The following RBFOX1 variants were observed in gnomAD, a reference collection of about 807,000 sequenced individuals.
RBFOX1 encodes RNA binding protein fox-1 homolog 1.
A neutral mutation model predicts 57.7 loss-of-function variants in RBFOX1; 8 were observed. The ratio of observed to expected loss-of-function variants is 0.14; its 90% CI spans 0.08 to 0.25. RBFOX1 has a LOEUF of 0.25. Ranked by LOEUF, RBFOX1 falls within the 10% of genes least tolerant of loss-of-function variation. The probability of loss-of-function intolerance (pLI) is 1.00; values close to 1 mark genes in which losing one functional copy is unlikely to be tolerated. For synonymous variants in RBFOX1, 326 were observed against 222.4 expected (o/e 1.47, Z -4.15); for missense variants, 611 against 548.5 (o/e 1.11, Z -1.14).
chr16:6,841,763 G>A (rs892833148), intron 3 of RBFOX1, among the ~76,000 whole-genome samples: 1 of 152,104 alleles, frequency 6.6e-6, no homozygotes, highest in African/African-American at 2.4e-5. Flanking sequence ...CCTGGACCAT[G>A]CAGCTTAAGG....
intron 14 of RBFOX1, among the ~76,000 whole-genome samples, chr16:7,683,325 C>G (rs889916559): frequency 1.3e-5 from 2 of 151,690 alleles, no homozygotes; most frequent in East Asian, 2.0e-4. Context: ...CACACACACA[C>G]AGAGACAGAC....
Position 6,759,505 on chromosome 16 carries a change from GTGTGTGTGT to G in RBFOX1, c.-16+104856_-16+104864del, listed in dbSNP as rs1461396459. On this transcript the variant is annotated intron_variant, in intron 3 of 15. Transcript: ENST00000550418. ...TGTGTGTGTGTGTGTGTGTGTGTGT[GTGTGTGTGT>G]GTGTGTGTATTTTCAGTTTTTGTCC... Among the ~76,000 whole-genome samples, 250 of 149,726 alleles carry G rather than the reference GTGTGTGTGT, an allele frequency of 1.7e-3. 3 individuals are homozygous for G. Among genetic ancestry groups the G allele is most frequent in the Admixed American group, 0.013 (197 of 15,086 alleles).
chr16:5,658,817 A>AATATATGT (rs200991608), intron 3 of RBFOX1, among the ~76,000 whole-genome samples: 1 of 146,096 alleles, frequency 6.8e-6, no homozygotes, highest in Non-Finnish European at 1.5e-5. Flanking sequence ...ATGTATATAT[A>AATATATGT]ATATATGTAT....
In RBFOX1 at chr16:7,002,705, C is replaced by T. The variant is rs534407893; in HGVS notation, c.-15-49352C>T. 2.6e-5 allele frequency among the ~76,000 whole-genome samples: 4 copies of T among 152,186 alleles called. No individual in the cohort carries two copies. In the South Asian group the frequency reaches 8.3e-4, roughly 32 times the overall value. ...CCAGCCTGGTGATAGAGTGAGGGTC[C>T]AACTCAAAAACAAAGAAACAAACAA... On this transcript the variant is annotated intron_variant, in intron 3 of 15. Coordinates refer to ENST00000550418, the MANE Select transcript of RBFOX1 (RefSeq NM_018723.4).
intron 2 of RBFOX1, among the ~76,000 whole-genome samples, chr16:6,654,004 G>C (rs2098625797): frequency 6.6e-6 from 1 of 150,690 alleles, no homozygotes; most frequent in Admixed American, 6.6e-5. Context: ...TGGATGGATG[G>C]ATAGAGGAAG....
intron 2 of RBFOX1, among the ~76,000 whole-genome samples, chr16:6,406,160 C>G (rs2093273531): frequency 6.6e-6 from 1 of 152,194 alleles, no homozygotes; most frequent in East Asian, 1.9e-4. Flanking sequence ...TGGCAACACT[C>G]AATCCTATGC....
chr16:6,847,434 C>G (rs1007989930), intron 3 of RBFOX1, among the ~76,000 whole-genome samples: 43 of 152,020 alleles, frequency 2.8e-4, no homozygotes, highest in Non-Finnish European at 7.3e-5. Flanking sequence ...GCTTGGTGCT[C>G]TGTCATCATC....
chr16:6,445,757 A>G (rs1402084525), intron 2 of RBFOX1, among the ~76,000 whole-genome samples: 2 of 151,782 alleles, frequency 1.3e-5, no homozygotes, highest in Non-Finnish European at 2.9e-5. Context: ...TAATTTTTGT[A>G]TTTTTAGTTG....
chr16:6,333,833 A>G (rs1364728543), intron 2 of RBFOX1, among the ~76,000 whole-genome samples: 2 of 152,330 alleles, frequency 1.3e-5, no homozygotes, highest in East Asian at 3.9e-4. Context: ...GTTAATAATA[A>G]AGTGATTTTT....
intron 3 of RBFOX1, among the ~76,000 whole-genome samples, chr16:5,667,797 C>G (rs931623234): frequency 2.6e-5 from 4 of 152,054 alleles, no homozygotes; most frequent in African/African-American, 9.7e-5. Flanking sequence ...CTAAATAACC[C>G]CTTTATCATC....
intron 3 of RBFOX1, among the ~76,000 whole-genome samples, chr16:6,902,706 G>A (rs1395879394): frequency 6.6e-6 from 1 of 152,164 alleles, no homozygotes; most frequent in Non-Finnish European, 1.5e-5. Context: ...AGGGTGACAA[G>A]TCAAGACTCC....
At chr16:5,812,367 C>T (rs1020298210) in intron 3 of RBFOX1, among the ~76,000 whole-genome samples, 5 of 152,022 alleles carry the variant, frequency 3.3e-5, no homozygotes, top group Non-Finnish European at 7.3e-5. Flanking sequence ...AAACTGTTTT[C>T]CAGAGTGGTT....
intron 2 of RBFOX1, among the ~76,000 whole-genome samples, chr16:6,620,670 A>G (rs1226411621): frequency 1.3e-5 from 2 of 152,198 alleles, no homozygotes; most frequent in East Asian, 1.9e-4. Context: ...ACAAGGGGGA[A>G]TATTACCCCT....
intron 4 of RBFOX1, among the ~76,000 whole-genome samples, chr16:7,282,589 A>G (rs1312628056): frequency 2.6e-5 from 4 of 151,830 alleles, no homozygotes; most frequent in Non-Finnish European, 4.4e-5. Context: ...GTTCTTTTAA[A>G]AAATTTTTCC....
At chr16:7,323,413 G>A (rs568945540) in intron 4 of RBFOX1, among the ~76,000 whole-genome samples, 48 of 152,256 alleles carry the variant, frequency 3.2e-4, no homozygotes, top group African/African-American at 1.1e-3. Flanking sequence ...GACAGAGTGA[G>A]ACCCTGTCTC....
chr16:5,719,147 A>G (rs1291543466), intron 3 of RBFOX1, among the ~76,000 whole-genome samples: 3 of 151,882 alleles, frequency 2.0e-5, no homozygotes, highest in Admixed American at 6.6e-5. Context: ...ATAACCCAAT[A>G]GGCTTAGCGT....
chr16:5,256,601 C>T (rs1429367755), intron 1 of RBFOX1, among the ~76,000 whole-genome samples: 1 of 152,110 alleles, frequency 6.6e-6, no homozygotes, highest in African/African-American at 2.4e-5. Context: ...GTTTCCTAAT[C>T]TGTGAAATCA....
intron 3 of RBFOX1, among the ~76,000 whole-genome samples, chr16:6,998,496 G>C (rs551558863): frequency 3.9e-5 from 6 of 152,274 alleles, no homozygotes; most frequent in African/African-American, 1.2e-4. Context: ...AGAGCTCTTG[G>C]CAATGACTTG....
intron 10 of RBFOX1, among the ~76,000 whole-genome samples, chr16:7,613,752 C>A (rs576206878): frequency 6.6e-6 from 1 of 152,224 alleles, no homozygotes; most frequent in African/African-American, 2.4e-5. Flanking sequence ...GAGTCTATTA[C>A]CGTTAAGAGA....
Sources: allele counts gnomAD v4.1 joint callset (sites outside exome capture counted in the v4.1 genomes callset), GRCh38; gene constraint gnomAD v4.1.1; transcripts MANE v1.5; gene names NCBI Gene and HGNC (gene_info 2026-07-23, HGNC 2026-07-21).